Variants in HIVEP3 observed in about 807,000 individuals in gnomAD.
HIVEP3 encodes the protein transcription factor HIVEP3.
A neutral mutation model predicts 152.8 loss-of-function variants in HIVEP3; 49 were observed. The observed-to-expected ratio is 0.32, with a 90% confidence interval of 0.26 to 0.41. The LOEUF is 0.41. Among genes scored for constraint, HIVEP3 ranks in the 10% least tolerant of loss-of-function variants. HIVEP3 has a pLI of 1.00. For missense variants in HIVEP3, 2,790 were observed against 3,103.3 expected (o/e 0.90, Z 2.40); for synonymous variants, 1,269 against 1,289.0 (o/e 0.98, Z 0.33).
rs56158079 is a variant in HIVEP3, at chr1:41,929,725, T to TG, written n.120-11202_120-11201insC. Among the ~76,000 whole-genome samples, 300 of 119,976 alleles carry TG rather than the reference T, an allele frequency of 2.5e-3. 15 individuals are homozygous for TG. Among genetic ancestry groups the TG allele is most frequent in the African/African-American group, 0.011 (285 of 25,712 alleles). The allele number at this position is 119,976 out of a possible 152,430, so 78.7% of individuals were successfully genotyped here. A position where few individuals can be genotyped will look rare whatever the true frequency, so the allele number is the denominator to read the frequency against. On this transcript the variant is annotated intron_variant and non_coding_transcript_variant, in intron 1 of 3. Coordinates refer to the HIVEP3 transcript ENST00000489103. ...ATGTGTGAGTGTGTGTATATGTGTT[T>TG]TTATATATATATATATATATATATA...
At chr1:42,012,194 A>C (rs554913592) in intron 1 of HIVEP3, among the ~76,000 whole-genome samples, 2 of 152,180 alleles carry the variant, frequency 1.3e-5, no homozygotes, top group Non-Finnish European at 2.9e-5. Flanking sequence ...GCCATGTTTT[A>C]TTGATTCTAA....
chr1:41,617,534 G>A (rs1219049163), intron 3 of HIVEP3, among the ~76,000 whole-genome samples: 1 of 152,254 alleles, frequency 6.6e-6, no homozygotes, highest in Non-Finnish European at 1.5e-5. Flanking sequence ...GCATGCTCCT[G>A]AGGGCTGGTC....
rs1645767533 is a variant in HIVEP3 at position 41,664,721 on chromosome 1, CT to C, written c.-720-35775del. Among the ~76,000 whole-genome samples the C allele has an allele frequency of 6.6e-6, 1 of 152,204 alleles. No homozygotes were observed. Among genetic ancestry groups the C allele is most frequent in the Non-Finnish European group, 1.5e-5 (1 of 68,032 alleles). On this transcript the variant is annotated intron_variant, in intron 2 of 8. Coordinates refer to ENST00000372583, the MANE Select transcript of HIVEP3 (RefSeq NM_024503.5). The surrounding 1 kb of genome is among the most constrained non-coding windows in gnomAD (Gnocchi z 4.4). ...AACAGTGGCTGATGTCCTAGGGTCCCTGGCTGGGGGCTGGGATGAAAGGCGG... is the reference window on the plus strand; with the variant it reads ...AACAGTGGCTGATGTCCTAGGGTCCCGGCTGGGGGCTGGGATGAAAGGCGG...
intron 1 of HIVEP3, among the ~76,000 whole-genome samples, chr1:41,903,905 T>TC (rs1491192573): frequency 8.6e-6 from 1 of 116,270 alleles, no homozygotes; most frequent in South Asian, 2.6e-4. Flanking sequence ...TTTTTTTTTC[T>TC]TTTTTTTTTT....
At chr1:41,675,230 C>A (rs1355038359) in intron 2 of HIVEP3, among the ~76,000 whole-genome samples, 1 of 152,166 alleles carries the variant, frequency 6.6e-6, no homozygotes, top group African/African-American at 2.4e-5. Context: ...TTCAGTGACC[C>A]CACCTGCCCC....
chr1:41,914,671 G>A (rs1264348390), intron 1 of HIVEP3, among the ~76,000 whole-genome samples: 6 of 152,162 alleles, frequency 3.9e-5, no homozygotes, highest in Non-Finnish European at 8.8e-5. Context: ...TTTTCAGCAC[G>A]ATGTCTGAAC....
chr1:41,879,455 A>C (rs1557477984), intron 1 of HIVEP3, among the ~76,000 whole-genome samples: 1 of 152,326 alleles, frequency 6.6e-6, no homozygotes, highest in East Asian at 1.9e-4. Flanking sequence ...TTGGTTTTGA[A>C]TGACCTTCTC....
At chr1:41,893,799 T>C (rs1019019531) in intron 1 of HIVEP3, among the ~76,000 whole-genome samples, 12 of 147,538 alleles carry the variant, frequency 8.1e-5, no homozygotes, top group African/African-American at 1.5e-4. Context: ...ATATTAAATA[T>C]GCATATTTAT....
intron 1 of HIVEP3, among the ~76,000 whole-genome samples, chr1:41,886,856 G>A (rs559922684): frequency 4.0e-5 from 6 of 151,856 alleles, no homozygotes; most frequent in South Asian, 2.1e-4. Context: ...ATGCCTATTC[G>A]AAAAAGAAAG....
At chr1:41,614,046 G>T (rs569711593) in intron 3 of HIVEP3, among the ~76,000 whole-genome samples, 2 of 152,222 alleles carry the variant, frequency 1.3e-5, no homozygotes, top group South Asian at 4.1e-4. Context: ...GATCACGCAG[G>T]TTGGAGCTGG....
chr1:42,007,890 G>C (rs1228312456), intron 1 of HIVEP3, among the ~76,000 whole-genome samples: 1 of 152,108 alleles, frequency 6.6e-6, no homozygotes, highest in African/African-American at 2.4e-5. Flanking sequence ...CCATGCTCTA[G>C]AGGTAACATA....
chr1:41,901,276 G>C (rs577810816), intron 1 of HIVEP3, among the ~76,000 whole-genome samples: 1 of 152,206 alleles, frequency 6.6e-6, no homozygotes, highest in South Asian at 2.1e-4. Context: ...ATGTGGGAAG[G>C]TGCTGAGCCG....
chr1:41,643,890 C>CTTTTTT (rs58838768), intron 2 of HIVEP3, among the ~76,000 whole-genome samples: 7,367 of 71,778 alleles, frequency 0.1, 684 homozygotes, highest in Non-Finnish European at 0.12. Context: ...TTCCCATCCT[C>CTTTTTT]TTTTTTTTTT....
intron 1 of HIVEP3, among the ~76,000 whole-genome samples, chr1:41,795,279 T>C (rs979142907): frequency 3.9e-5 from 6 of 152,202 alleles, no homozygotes; most frequent in Admixed American, 2.6e-4. Context: ...TGGTACAGTA[T>C]TTTGTATGAT....
chr1:41,545,305 C>A (rs1435026884), intron 5 of HIVEP3, among the ~76,000 whole-genome samples: 6 of 146,118 alleles, frequency 4.1e-5, no homozygotes, highest in African/African-American at 1.5e-4. Context: ...ACCACCTCTA[C>A]CACCATCGCT....
chr1:41,642,332 C>T (rs1206915340), intron 2 of HIVEP3, among the ~76,000 whole-genome samples: 1 of 152,260 alleles, frequency 6.6e-6, no homozygotes, highest in African/African-American at 2.4e-5. Context: ...CCCTGCAAAG[C>T]CCCGCTCTTG....
At chr1:41,659,840 G>C (rs948602064) in intron 2 of HIVEP3, among the ~76,000 whole-genome samples, 1 of 152,228 alleles carries the variant, frequency 6.6e-6, no homozygotes, top group Non-Finnish European at 1.5e-5. Context: ...TACTCATCTT[G>C]GGGAGCTAGT....
At chr1:41,898,329 T>C (rs1028496967) in intron 1 of HIVEP3, among the ~76,000 whole-genome samples, 2 of 152,082 alleles carry the variant, frequency 1.3e-5, no homozygotes, top group Admixed American at 6.6e-5. Flanking sequence ...GCAGTCTCCC[T>C]GGAGGGGGAG....
intron 1 of HIVEP3, among the ~76,000 whole-genome samples, chr1:41,783,483 G>A (rs1649171475): frequency 1.3e-5 from 2 of 152,160 alleles, no homozygotes; most frequent in African/African-American, 4.8e-5. Flanking sequence ...TGGGAGGGAG[G>A]GAAGCAATGT....
Sources: gnomAD v4.1 joint callset for allele counts (sites outside exome capture counted in the v4.1 genomes callset) on GRCh38, gnomAD v4.1.1 for gene constraint, Gnocchi (gnomAD v3.1) non-coding constraint, MANE v1.5 for transcripts, NCBI Gene and HGNC (gene_info 2026-07-23, HGNC 2026-07-21) for gene names.